The following ZNF106 variants were observed in gnomAD, a reference collection of about 807,000 sequenced individuals.
ZNF106 encodes zinc finger protein 106.
In ZNF106, 67 loss-of-function variants were observed where a neutral mutation model predicts 195.1. That is an observed-to-expected ratio of 0.34 (90% CI 0.28 to 0.42). The LOEUF is 0.42. ZNF106 is among the 10% of genes least tolerant of loss of function. The pLI, the probability that ZNF106 is intolerant of heterozygous loss-of-function variation, is 1.00. For synonymous variants in ZNF106, 784 were observed against 818.6 expected (o/e 0.96, Z 0.72); for missense variants, 2,118 against 2,304.5 (o/e 0.92, Z 1.66).
At chr15:42,433,493 T>A (rs1295027333) in intron 14 of ZNF106, among the ~76,000 whole-genome samples, 2 of 144,234 alleles carry the variant, frequency 1.4e-5, no homozygotes, top group South Asian at 2.3e-4. Context: ...TTTCTTTTCT[T>A]TTTTTTTTGG....
At chr15:42,461,442 A>G (rs1403738675) in intron 3 of ZNF106, among the ~76,000 whole-genome samples, 1 of 152,244 alleles carries the variant, frequency 6.6e-6, no homozygotes. Flanking sequence ...TGTGAAACAC[A>G]AAGTCTTAAG....
At position 42,414,256 on chromosome 15, in the gene ZNF106, AG is replaced by A. The variant is rs1432859623; in HGVS notation, c.*3047del. 1 of 152,258 alleles carries A rather than the reference AG, an allele frequency of 6.6e-6. No individual in the cohort carries two copies. Among genetic ancestry groups the A allele is most frequent in the African/African-American group, 2.4e-5 (1 of 41,468 alleles). 9.4% of individuals were successfully genotyped at this position (152,258 alleles called of 1,614,324 possible). On this transcript the variant is annotated 3_prime_UTR_variant, in exon 22 of 22. Transcript: ENST00000564754. ...CAACATTGTGGAAGACATTAAAAAA[AG>A]AAGGCAAAGTTCTGTATAATTTTCA...
intron 10 of ZNF106, among the ~76,000 whole-genome samples, chr15:42,441,463 T>G (rs2055534228): frequency 6.6e-6 from 1 of 152,214 alleles, no homozygotes; most frequent in Admixed American, 6.5e-5. Flanking sequence ...AACCACACAA[T>G]GCCAGTTTGT....
At chr15:42,474,704 T>C (rs551949532) in intron 1 of ZNF106, among the ~76,000 whole-genome samples, 1 of 152,242 alleles carries the variant, frequency 6.6e-6, no homozygotes, top group African/African-American at 2.4e-5. Context: ...TGAGCTATGA[T>C]TGTGCCACTG....
chr15:42,435,627 C>T (rs1337749944), intron 13 of ZNF106, 109 bp from the exon 14 acceptor site: 1 of 1,373,180 alleles, frequency 7.3e-7, no homozygotes, highest in Non-Finnish European at 1.0e-6. Context: ...GCTGTATCCT[C>T]ATGTCTAAAA....
chr15:42,448,394 G>A lies in ZNF106; in HGVS notation c.2813C>T (p.Thr938Ile), dbSNP rs1330122380. ...KATMHLKQEV[T>I]PRAASLRTGE... ...TGTTCGGAGGGAGGCAGCCCGAGGT[G>A]TCACTTCTTGTTTGAGGTGCATGGT... is the stretch of plus-strand genomic sequence containing the variant. Residue 938 changes from threonine (T) to isoleucine (I), a missense_variant, in exon 6 of 22, where the codon ACA (threonine) becomes ATA (isoleucine). Physicochemically the swap from Thr to Ile is moderately conservative, Grantham distance 89 (BLOSUM62 -1). Transcript: ENST00000564754. 6.2e-7 allele frequency: 1 copy of A among 1,614,166 alleles called. No individual in the cohort carries two copies. The highest frequency in any genetic ancestry group is 1.3e-5 in the African/African-American group (1 of 75,058).
rs1273900730 is a variant in ZNF106, at chr15:42,451,553, T to C, written c.719A>G (p.His240Arg). ...SEGTGGFSSWHMNNSNGNWKS... is the reference protein window; with the variant it reads ...SEGTGGFSSWRMNNSNGNWKS... ...CCAGTTTCCGTTACTGTTGTTCATA[T>C]GCCAACTGGAAAAGCCACCTGTTCC... The change falls in exon 5 of 22, where the codon CAT (histidine) becomes CGT (arginine). Residue 240 changes from histidine (H) to arginine (R), a missense_variant. By Grantham distance (29) the His-to-Arg change is conservative (BLOSUM62 0). Coordinates refer to ENST00000564754, the MANE Select transcript of ZNF106 (RefSeq NM_001366845.3). The C allele has an allele frequency of 2.5e-6, 4 of 1,614,094 alleles. No individual in the cohort carries two copies. The highest frequency in any genetic ancestry group is 1.3e-5 in the African/African-American group (1 of 74,944).
chr15:42,437,634 T>C (rs574819213), intron 12 of ZNF106, among the ~76,000 whole-genome samples: 1 of 152,192 alleles, frequency 6.6e-6, no homozygotes, highest in South Asian at 2.1e-4. Context: ...GGGCCAGGCG[T>C]GGTGACTCAC....
At position 42,450,079 on chromosome 15, in the gene ZNF106, G is replaced by A; in HGVS notation, c.2193C>T (p.Ile731=). Residue 731 remains isoleucine (I), a synonymous_variant, in exon 5 of 22, where the codon ATC becomes ATT. Coordinates refer to ENST00000564754, the MANE Select transcript of ZNF106 (RefSeq NM_001366845.3). ...SLDAELQKSD[I]SQPSGPLLPE... The stretch of plus-strand genomic sequence containing the variant: ...GCAGGAGAGGGCCCGAGGGCTGACT[G>A]ATGTCACTTTTTTGAAGCTCTGCAT... 6.2e-7 allele frequency: 1 copy of A among 1,614,178 alleles called. No individual in the cohort carries two copies. Among genetic ancestry groups the A allele is most frequent in the East Asian group, 2.2e-5 (1 of 44,884 alleles).
chr15:42,450,344 C>A lies in ZNF106; in HGVS notation c.1928G>T (p.Arg643Leu). 14 of 1,614,148 alleles carry A rather than the reference C, an allele frequency of 8.7e-6. No individual in the cohort carries two copies. Among genetic ancestry groups the A allele is most frequent in the Non-Finnish European group, 1.1e-5 (13 of 1,180,022 alleles). ...ATCCTCCTCTTTCTCATCAGCAGTT[C>A]GAGTGCTGCCAGATAACAATTCTGT... ...ATTELLSGSTRTADEKEEDDR... is the reference protein window; with the variant it reads ...ATTELLSGSTLTADEKEEDDR... Residue 643 changes from arginine to leucine, a missense_variant, in exon 5 of 22, where the codon CGA becomes CTA. Transcript: ENST00000564754.
intron 1 of ZNF106, 134 bp from the exon 2 acceptor site, chr15:42,472,455 G>C (rs908843400): frequency 2.7e-5 from 16 of 603,432 alleles, no homozygotes; most frequent in Middle Eastern, 2.9e-4. Flanking sequence ...TCCGTTTCCA[G>C]GTGCATAGGG....
At chr15:42,420,038 G>A (rs528095798) in intron 20 of ZNF106, among the ~76,000 whole-genome samples, 22 of 152,188 alleles carry the variant, frequency 1.4e-4, no homozygotes, top group Non-Finnish European at 2.5e-4. Flanking sequence ...AAAGCCAGAG[G>A]TATCTTCCCC....
At chr15:42,426,302 T>C (rs2054854201) in intron 15 of ZNF106, among the ~76,000 whole-genome samples, 1 of 152,162 alleles carries the variant, frequency 6.6e-6, no homozygotes, top group African/African-American at 2.4e-5. Context: ...TCCAGGGCTT[T>C]TCAATCCTTT....
intron 3 of ZNF106, among the ~76,000 whole-genome samples, chr15:42,461,204 A>C (rs2056384923): frequency 6.6e-6 from 1 of 152,220 alleles, no homozygotes; most frequent in African/African-American, 2.4e-5. Flanking sequence ...TGTTTGGGAA[A>C]CCATGTTTTA....
intron 10 of ZNF106, among the ~76,000 whole-genome samples, chr15:42,440,273 C>G (rs2141320288): frequency 6.6e-6 from 1 of 152,256 alleles, no homozygotes; most frequent in East Asian, 1.9e-4. Context: ...GACTTAGTTA[C>G]TTCATGTCTA....
chr15:42,439,161 G>A lies in ZNF106; in HGVS notation c.4416C>T (p.Asp1472=). The stretch of plus-strand genomic sequence containing the variant: ...TCCAAATATCCTTTTTAGATGGGCT[G>A]TCTGGTTTCTCTTCTCCTGATTCTG... ...DSSESGEEKP[D]SPSKKDIWNS... is the part of the protein sequence containing the mutation. Residue 1472 remains aspartate, a synonymous_variant, in exon 11 of 22, where the codon GAC becomes GAT. Transcript: ENST00000564754. The A allele has an allele frequency of 6.2e-7, 1 of 1,614,098 alleles. No homozygotes were observed. Among genetic ancestry groups the A allele is most frequent in the South Asian group, 1.1e-5 (1 of 91,086 alleles).
At chr15:42,489,474 G>A (rs2057092227) in intron 1 of ZNF106, among the ~76,000 whole-genome samples, 1 of 151,884 alleles carries the variant, frequency 6.6e-6, no homozygotes, top group Non-Finnish European at 1.5e-5. Context: ...ATCGCGCCTG[G>A]CCCCTTCCAG....
At chr15:42,433,965 C>CT (rs2055167351) in intron 14 of ZNF106, among the ~76,000 whole-genome samples, 1 of 152,136 alleles carries the variant, frequency 6.6e-6, no homozygotes, top group African/African-American at 2.4e-5. Flanking sequence ...CCTCCCACCT[C>CT]AGCCTCCCAA....
chr15:42,464,077 C>G (rs1210720043), intron 3 of ZNF106, among the ~76,000 whole-genome samples: 1 of 148,104 alleles, frequency 6.8e-6, no homozygotes, highest in South Asian at 2.1e-4. Flanking sequence ...CATGGTGGCT[C>G]ACGCCTGTAA....
Sources: gnomAD v4.1 joint callset for allele counts (sites outside exome capture counted in the v4.1 genomes callset) on GRCh38, gnomAD v4.1.1 for gene constraint, MANE v1.5 for transcripts, NCBI Gene and HGNC (gene_info 2026-07-23, HGNC 2026-07-21) for gene names.